Variants in PRR23D1 observed in about 807,000 individuals in gnomAD.
The protein encoded by PRR23D1 is proline-rich protein 23D1.
intron 3 of PRR23D1, 25 bp downstream of exon 3, chr8:7,541,044 CAA>C: frequency 2.1e-6 from 3 of 1,440,924 alleles, no homozygotes; most frequent in Non-Finnish European, 2.8e-6. Flanking sequence ...CCTTGCATAG[CAA>C]AGATTGGATA....
upstream of PRR23D1, among the ~76,000 whole-genome samples, chr8:7,536,944 G>A (rs1487054730): frequency 8.3e-6 from 1 of 120,992 alleles, no homozygotes; most frequent in Non-Finnish European, 1.7e-5. Flanking sequence ...CAAGAGTCCC[G>A]CGCTGCAAGC....
At chr8:7,538,936 TA>T (rs1227626947), upstream of PRR23D1, among the ~76,000 whole-genome samples, 305 of 148,844 alleles carry the variant, frequency 2.0e-3, 2 homozygotes, top group African/African-American at 6.6e-3. Flanking sequence ...TAAAATAACG[TA>T]TTTTTTTTTA....
upstream of PRR23D1, among the ~76,000 whole-genome samples, chr8:7,536,744 C>T (rs1812652717): frequency 1.4e-5 from 2 of 145,772 alleles, no homozygotes; most frequent in South Asian, 4.4e-4. Flanking sequence ...CCTCCACATA[C>T]AGGGAATCAA....
In PRR23D1 at chr8:7,541,379, AGTCCTTGTGATT is replaced by A; in HGVS notation, c.344_355del (p.Leu115_Val118del). 1.9e-6 allele frequency: 1 copy of A among 515,680 alleles called. No individual in the cohort carries two copies. The highest frequency in any genetic ancestry group is 3.4e-6 in the Non-Finnish European group (1 of 297,826). 31.9% of individuals were successfully genotyped at this position (515,680 alleles called of 1,614,324 possible). On this transcript the variant is annotated inframe_deletion, in exon 4 of 4. Coordinates refer to ENST00000533250, the MANE Select transcript of PRR23D1 (RefSeq NM_001282479.1). Reference sequence around the variant, plus strand: ...TGCTGCAGCTGACCCTGGAGAACACAGTCCTTGTGATTGTCCCTGAGCATGTCCTGAGGTCAG... The same window carrying A: ...TGCTGCAGCTGACCCTGGAGAACACAGTCCCTGAGCATGTCCTGAGGTCAG...
At chr8:7,541,074 G>A (rs1303918240) in intron 3 of PRR23D1, 55 bp downstream of exon 3, 1 of 1,435,592 alleles carries the variant, frequency 7.0e-7, no homozygotes, top group Admixed American at 2.0e-5. Context: ...ACAATCTTCA[G>A]GTTCAAGGGA....
chr8:7,540,669 AC>A lies in PRR23D1; in HGVS notation c.105del (p.Lys36AsnfsTer24), dbSNP rs1377466802. The part of the protein sequence containing the change: ...TSLATTQMNP[P>X]KRRQVEQGPS... ...GTTTGGCTACCACACAAATGAATCCACCCAAACGTCGCCAAGTGGAGCAGGG... is the reference window on the plus strand; with the variant it reads ...GTTTGGCTACCACACAAATGAATCCACCAAACGTCGCCAAGTGGAGCAGGG... On this transcript the variant is annotated frameshift_variant, in exon 2 of 4. Coordinates refer to ENST00000533250, the MANE Select transcript of PRR23D1 (RefSeq NM_001282479.1). LOFTEE classifies it high-confidence loss of function. The A allele has an allele frequency of 2.3e-6, 1 of 443,294 alleles. No individual in the cohort carries two copies. The highest frequency in any genetic ancestry group is 3.3e-5 in the East Asian group (1 of 30,758). The allele number at this position is 443,294 out of a possible 1,614,324, so 27.5% of individuals were successfully genotyped here.
upstream of PRR23D1, among the ~76,000 whole-genome samples, chr8:7,536,806 T>G (rs572114092): frequency 1.3e-5 from 2 of 148,928 alleles, no homozygotes; most frequent in Admixed American, 1.3e-4. Flanking sequence ...CCACCCTCTT[T>G]CATAAAAAAA....
chr8:7,539,063 A>G (rs1360236171), upstream of PRR23D1, among the ~76,000 whole-genome samples: 2 of 151,294 alleles, frequency 1.3e-5, no homozygotes, highest in African/African-American at 4.9e-5. Context: ...GAAACTTTAA[A>G]TTTTCCATGC....
upstream of PRR23D1, among the ~76,000 whole-genome samples, chr8:7,538,799 A>G (rs1265888529): frequency 1.3e-5 from 2 of 151,992 alleles, no homozygotes; most frequent in African/African-American, 4.8e-5. Context: ...AGACAGATTA[A>G]TACACAATGA....
upstream of PRR23D1, among the ~76,000 whole-genome samples, chr8:7,536,803 C>T (rs1472212055): frequency 6.7e-6 from 1 of 148,866 alleles, no homozygotes; most frequent in Admixed American, 6.7e-5. Context: ...TTTCCACCCT[C>T]TTTCATAAAA....
chr8:7,538,991 C>T (rs1383802342), upstream of PRR23D1, among the ~76,000 whole-genome samples: 1 of 150,998 alleles, frequency 6.6e-6, no homozygotes, highest in Non-Finnish European at 1.5e-5. Flanking sequence ...GTTCCATATT[C>T]ATGGATCCAA....
In PRR23D1 at chr8:7,541,313, G is replaced by GACCTCTTCC; in HGVS notation, c.274_275insCCTCTTCCA (p.Leu91_Ser92insThrSerSer). ...TGGAACAAGGGACAGAAGTGAGGTT[G>GACCTCTTCC]AGCCTGGAAGAGGTCATCCTCATCT... is the stretch of plus-strand genomic sequence containing the variant. On this transcript the variant is annotated inframe_insertion, in exon 4 of 4. Transcript: ENST00000533250. The GACCTCTTCC allele has an allele frequency of 1.8e-6, 1 of 562,056 alleles. No homozygotes were observed. The highest frequency in any genetic ancestry group is 3.1e-6 in the Non-Finnish European group (1 of 320,740). The allele number at this position is 562,056 out of a possible 1,614,324, so 34.8% of individuals were successfully genotyped here.
chr8:7,536,750 A>C (rs1276665405), upstream of PRR23D1, among the ~76,000 whole-genome samples: 1 of 146,572 alleles, frequency 6.8e-6, no homozygotes, highest in Non-Finnish European at 1.5e-5. Context: ...CATACAGGGA[A>C]TCAACAGACT....
chr8:7,536,757 G>C (rs1812653346), upstream of PRR23D1, among the ~76,000 whole-genome samples: 3 of 146,314 alleles, frequency 2.1e-5, no homozygotes, highest in South Asian at 6.5e-4. Context: ...GGAATCAACA[G>C]ACTATTTTAT....
chr8:7,539,459 TCA>T (rs1812725347), upstream of PRR23D1, among the ~76,000 whole-genome samples: 1 of 8,772 alleles, frequency 1.1e-4, no homozygotes, highest in East Asian at 1.2e-3. Context: ...TCTGACTGGG[TCA>T]CACTCATATT....
upstream of PRR23D1, among the ~76,000 whole-genome samples, chr8:7,537,008 C>A (rs1480349168): frequency 8.6e-6 from 1 of 116,200 alleles, no homozygotes; most frequent in Non-Finnish European, 1.8e-5. Context: ...GGGGCGCATG[C>A]GCATTCTGCT....
chr8:7,536,940 TC>T (rs1812659908), upstream of PRR23D1, among the ~76,000 whole-genome samples: 1 of 121,404 alleles, frequency 8.2e-6, no homozygotes, highest in Non-Finnish European at 1.7e-5. Flanking sequence ...AGGCCAAGAG[TC>T]CCGCGCTGCA....
At chr8:7,538,341 AT>A (rs1212373766), upstream of PRR23D1, among the ~76,000 whole-genome samples, 2 of 1,726 alleles carry the variant, frequency 1.2e-3, no homozygotes, top group African/African-American at 4.0e-3. Flanking sequence ...ATTAGATTCA[AT>A]TTTTTTTTAA....
chr8:7,538,888 A>G (rs1812703971), upstream of PRR23D1, among the ~76,000 whole-genome samples: 1 of 150,910 alleles, frequency 6.6e-6, no homozygotes, highest in Admixed American at 6.6e-5. Context: ...TGTTTGGATA[A>G]CTTTCCCCAG....
Sources: gnomAD v4.1 joint callset for allele counts (sites outside exome capture counted in the v4.1 genomes callset) on GRCh38, gnomAD v4.1.1 for gene constraint, MANE v1.5 for transcripts, NCBI Gene and HGNC (gene_info 2026-07-23, HGNC 2026-07-21) for gene names.